The following NRG3 variants were observed in gnomAD, a reference collection of about 807,000 sequenced individuals.
NRG3 encodes the protein pro-neuregulin-3, membrane-bound isoform.
NRG3 carries 31 observed loss-of-function variants against 66.9 expected under a neutral mutation model. The ratio of observed to expected loss-of-function variants is 0.46; its 90% CI spans 0.35 to 0.63. The LOEUF is 0.63. NRG3 is among the 20% of genes least tolerant of loss of function. NRG3 has a pLI of 0.00. For missense variants in NRG3, 910 were observed against 878.9 expected (o/e 1.04, Z -0.45); for synonymous variants, 393 against 359.4 (o/e 1.09, Z -1.06).
At chr10:82,363,385 T>C (rs2135656559) in intron 2 of NRG3, among the ~76,000 whole-genome samples, 1 of 152,332 alleles carries the variant, frequency 6.6e-6, no homozygotes, top group East Asian at 1.9e-4. Flanking sequence ...GGGAGTGCAC[T>C]TTGTTAAATA....
At chr10:81,983,778 T>G (rs1342744477) in intron 1 of NRG3, among the ~76,000 whole-genome samples, 1 of 152,226 alleles carries the variant, frequency 6.6e-6, no homozygotes, top group Non-Finnish European at 1.5e-5. Context: ...CTTGTTTTAC[T>G]CAATCTCAGT....
intron 2 of NRG3, among the ~76,000 whole-genome samples, chr10:82,500,801 G>T (rs1182925827): frequency 1.3e-5 from 2 of 152,106 alleles, no homozygotes; most frequent in Non-Finnish European, 2.9e-5. Flanking sequence ...GTTGAAAAAT[G>T]ATGTTATGTA....
intron 3 of NRG3, among the ~76,000 whole-genome samples, chr10:82,849,118 C>A (rs143449795): frequency 6.6e-5 from 10 of 152,038 alleles, no homozygotes; most frequent in African/African-American, 2.2e-4. Context: ...GGGCGCTAAT[C>A]GAATATAACT....
intron 4 of NRG3, among the ~76,000 whole-genome samples, chr10:82,949,956 A>AT (rs1426995222): frequency 6.6e-6 from 1 of 152,188 alleles, no homozygotes; most frequent in Non-Finnish European, 1.5e-5. Flanking sequence ...TCCTCAGGTG[A>AT]TTTTTTATGT....
intron 1 of NRG3, among the ~76,000 whole-genome samples, chr10:82,013,698 ATT>A (rs2061673360): frequency 6.6e-6 from 1 of 151,858 alleles, no homozygotes; most frequent in South Asian, 2.1e-4. Context: ...TGTTTATAGA[ATT>A]TTAAAATAGT....
At chr10:82,675,228 A>AT (rs2053595855) in intron 2 of NRG3, among the ~76,000 whole-genome samples, 1 of 152,100 alleles carries the variant, frequency 6.6e-6, no homozygotes. Flanking sequence ...AAGTGCTGGG[A>AT]TTACAGGTGT....
At chr10:82,751,316 A>C (rs2058854430) in intron 3 of NRG3, among the ~76,000 whole-genome samples, 1 of 152,020 alleles carries the variant, frequency 6.6e-6, no homozygotes, top group Admixed American at 6.6e-5. Context: ...TGTGCTTTAA[A>C]CCATGAGAAG....
chr10:82,761,420 T>C (rs2059299825), intron 3 of NRG3, among the ~76,000 whole-genome samples: 2 of 152,136 alleles, frequency 1.3e-5, no homozygotes, highest in Admixed American at 1.3e-4. Flanking sequence ...AATACTTTCC[T>C]ATTCCAACAA....
intron 1 of NRG3, among the ~76,000 whole-genome samples, chr10:82,161,380 C>G (rs2071584680): frequency 6.6e-6 from 1 of 152,086 alleles, no homozygotes; most frequent in Non-Finnish European, 1.5e-5. Flanking sequence ...CTTTAAGGAG[C>G]ATGAAATCTT....
intron 3 of NRG3, among the ~76,000 whole-genome samples, chr10:82,826,621 A>C (rs1292895015): frequency 1.3e-5 from 2 of 152,190 alleles, no homozygotes; most frequent in African/African-American, 4.8e-5. Flanking sequence ...ACATGGATGC[A>C]GCTGGTGGCC....
At chr10:82,420,721 AT>A (rs1480397977) in intron 2 of NRG3, among the ~76,000 whole-genome samples, 1 of 152,174 alleles carries the variant, frequency 6.6e-6, no homozygotes, top group Non-Finnish European at 1.5e-5. Flanking sequence ...AACCTGCTTA[AT>A]AATTTTTTAG....
rs555733598 is a variant in NRG3, at chr10:82,844,621, A to C, written c.1028-20790A>C. On this transcript the variant is annotated intron_variant, in intron 3 of 8. Transcript: ENST00000372141. ...TGTCTACAACTTAACAACATTTTAC[A>C]GGATAGTACAAAATAGTTAATCTCC... Among the ~76,000 whole-genome samples, 6 of 152,100 alleles carry C rather than the reference A, an allele frequency of 3.9e-5. No individual in the cohort carries two copies. In the East Asian group the frequency reaches 1.2e-3, roughly 30 times the overall value.
In NRG3 at chr10:82,358,915, C is replaced by T. The variant is rs868605216; in HGVS notation, c.953+47C>T. ...TGGAAAGGGCAGGCCCGTTGCAAGG[C>T]GTGGGGGTGGAGGGTGCTGGCAGCA... On this transcript the variant is annotated intron_variant, in intron 2 of 8. Transcript: ENST00000372141. The T allele has an allele frequency of 1.5e-5, 24 of 1,612,470 alleles. No homozygotes were observed. In the Middle Eastern group the frequency reaches 3.8e-3, roughly 256 times the overall value.
intron 2 of NRG3, among the ~76,000 whole-genome samples, chr10:82,479,671 A>G (rs1237112219): frequency 2.0e-5 from 3 of 148,156 alleles, no homozygotes; most frequent in African/African-American, 7.5e-5. Flanking sequence ...TCTCAAAAAA[A>G]AAAAAAAAAA....
intron 1 of NRG3, among the ~76,000 whole-genome samples, chr10:81,973,021 G>GT (rs1447666475): frequency 1.3e-5 from 2 of 152,170 alleles, no homozygotes; most frequent in East Asian, 3.9e-4. Context: ...ATACCCCCAG[G>GT]TATTAAGCGT....
chr10:82,903,959 T>G (rs1844476855), intron 4 of NRG3, among the ~76,000 whole-genome samples: 1 of 152,206 alleles, frequency 6.6e-6, no homozygotes, highest in Non-Finnish European at 1.5e-5. Context: ...ACAGATGTGT[T>G]GACTCTGGTT....
intron 2 of NRG3, among the ~76,000 whole-genome samples, chr10:82,696,123 A>G (rs1432756842): frequency 1.3e-5 from 2 of 152,184 alleles, no homozygotes; most frequent in Non-Finnish European, 2.9e-5. Context: ...TATAAAACAC[A>G]CACTGACTTT....
chr10:82,028,498 C>A (rs1236724715), intron 1 of NRG3, among the ~76,000 whole-genome samples: 1 of 152,020 alleles, frequency 6.6e-6, no homozygotes, highest in African/African-American at 2.4e-5. Context: ...CAGGATGATC[C>A]TCACATATGA....
intron 6 of NRG3, among the ~76,000 whole-genome samples, chr10:82,965,867 AG>A (rs1851164077): frequency 6.6e-6 from 1 of 152,160 alleles, no homozygotes; most frequent in South Asian, 2.1e-4. Flanking sequence ...ATGCATCTTG[AG>A]GGCCTACACC....
Sources: allele counts gnomAD v4.1 joint callset (sites outside exome capture counted in the v4.1 genomes callset), GRCh38; gene constraint gnomAD v4.1.1; transcripts MANE v1.5; gene names NCBI Gene and HGNC (gene_info 2026-07-23, HGNC 2026-07-21).